Variants in NDUFAF6 observed in about 807,000 individuals in gnomAD.
NDUFAF6 encodes the protein NADH dehydrogenase (ubiquinone) complex I, assembly factor 6.
A neutral mutation model predicts 40.8 loss-of-function variants in NDUFAF6; 45 were observed. That is an observed-to-expected ratio of 1.10 (90% CI 0.87 to 1.42). The LOEUF is 1.42. Among genes scored for constraint, NDUFAF6 ranks in the 40% most tolerant of loss-of-function variants. NDUFAF6 has a pLI of 0.00. For synonymous variants in NDUFAF6, 185 were observed against 155.9 expected, an observed-to-expected ratio of 1.19 and a Z score of -1.39; for missense variants, 435 against 418.5, an observed-to-expected ratio of 1.04 and a Z score of -0.34.
rs1176398723 is a variant in NDUFAF6 at position 95,047,019 on chromosome 8, T to G, written c.606T>G (p.His202Gln). 2 of 1,614,078 alleles carry G rather than the reference T, an allele frequency of 1.2e-6. No individual in the cohort carries two copies. The highest frequency in any genetic ancestry group is 3.3e-5 in the Admixed American group (2 of 60,006). The change falls in exon 6 of 9, where the codon CAT (histidine) becomes CAG (glutamine). Residue 202 changes from histidine to glutamine, a missense_variant. Physicochemically the swap from His to Gln is conservative, Grantham distance 24. Transcript: ENST00000396124. ...ILGIKDLHAD[H>Q]AASHIGKAQG... ...GTATAAAGGATCTTCATGCAGATCA[T>G]GCTGCAAGTCATATTGGAAAAGCAC...
At chr8:94,930,547 G>A (rs1299383937) in intron 1 of NDUFAF6, 1 of 1,614,118 alleles carries the variant, frequency 6.2e-7, no homozygotes, top group Non-Finnish European at 8.5e-7. Context: ...TGCCGAGGGT[G>A]GCAATCCCTG....
intron 1 of NDUFAF6, among the ~76,000 whole-genome samples, chr8:94,968,453 C>T (rs949431242): frequency 5.9e-5 from 9 of 152,144 alleles, no homozygotes; most frequent in African/African-American, 1.9e-4. Context: ...ACCTGGCACA[C>T]GGGGCAGCAA....
exon 10 of NDUFAF6, chr8:95,075,744 C>T (rs575506588): frequency 3.1e-6 from 4 of 1,272,298 alleles, no homozygotes; most frequent in Non-Finnish European, 4.1e-6. Context: ...GGCATGCGCA[C>T]TTCTCCAGGT....
At chr8:94,990,929 C>T (rs1416721536) in intron 2 of NDUFAF6, among the ~76,000 whole-genome samples, 1 of 152,212 alleles carries the variant, frequency 6.6e-6, no homozygotes, top group African/African-American at 2.4e-5. Context: ...GGAGACCTGA[C>T]AGCAGTAACA....
chr8:95,094,713 C>G (rs1185847232), intron 2 of NDUFAF6, among the ~76,000 whole-genome samples: 1 of 150,362 alleles, frequency 6.7e-6, no homozygotes, highest in African/African-American at 2.4e-5. Flanking sequence ...CTGCGTCTGG[C>G]CTCTTTCTTT....
At chr8:94,959,286 G>A (rs1288297554) in intron 1 of NDUFAF6, among the ~76,000 whole-genome samples, 3 of 152,180 alleles carry the variant, frequency 2.0e-5, no homozygotes, top group Non-Finnish European at 4.4e-5. Context: ...CTCCCAGGAT[G>A]TAAAGGAGGA....
intron 1 of NDUFAF6, among the ~76,000 whole-genome samples, chr8:94,967,907 C>T (rs1824141676): frequency 6.7e-6 from 1 of 149,646 alleles, no homozygotes; most frequent in Admixed American, 6.7e-5. Context: ...CGCCATTGTA[C>T]ACTAGCCTTT....
At chr8:94,907,105 G>A (rs1042909999) in intron 1 of NDUFAF6, among the ~76,000 whole-genome samples, 18 of 152,178 alleles carry the variant, frequency 1.2e-4, no homozygotes, top group Admixed American at 8.5e-4. Flanking sequence ...CTTGCAGTGT[G>A]GCCAGCACAA....
At chr8:95,076,965 C>T (rs781506651), downstream of NDUFAF6, among the ~76,000 whole-genome samples, 3 of 151,828 alleles carry the variant, frequency 2.0e-5, no homozygotes, top group Non-Finnish European at 2.9e-5. Flanking sequence ...TATGTGGAGA[C>T]AGGGCCTTTA....
At chr8:95,034,966 G>C (rs1182487928) in intron 2 of NDUFAF6, among the ~76,000 whole-genome samples, 1 of 151,580 alleles carries the variant, frequency 6.6e-6, no homozygotes, top group Non-Finnish European at 1.5e-5. Flanking sequence ...TGCAACCTCT[G>C]CCTCTCAGGT....
rs763206621 is a variant in NDUFAF6, at chr8:95,057,821, G to C, written c.886G>C (p.Asp296His). ...PAFLQTVSLEDFLKKIQRVDF... is the reference protein window; with the variant it reads ...PAFLQTVSLEHFLKKIQRVDF... ...CTCTTTTTTCCAGGTTTCTCTAGAG[G>C]ACTTTCTAAAGAAAATTCAGCGAGT... is the stretch of plus-strand genomic sequence containing the variant. Residue 296 changes from aspartate to histidine, a missense_variant, in exon 9 of 9, where the codon GAC (aspartate) becomes CAC (histidine). Physicochemically the swap from Asp to His is moderately conservative, Grantham distance 81. Coordinates refer to ENST00000396124, the MANE Select transcript of NDUFAF6 (RefSeq NM_152416.4). 2.8e-5 allele frequency: 45 copies of C among 1,611,386 alleles called. No homozygotes were observed. The highest frequency in any genetic ancestry group is 3.7e-5 in the Non-Finnish European group (44 of 1,178,598).
chr8:95,114,018 AG>A (rs1456095706), intron 4 of NDUFAF6, among the ~76,000 whole-genome samples: 1 of 48,462 alleles, frequency 2.1e-5, no homozygotes, highest in Admixed American at 2.6e-4. Context: ...GGATGGGGGG[AG>A]GGGGGAGGGA....
rs536274787 is a variant in NDUFAF6 at position 95,017,853 on chromosome 8, AC to A, written c.-83-14141del. On this transcript the variant is annotated intron_variant, in intron 2 of 9. Coordinates refer to the NDUFAF6 transcript ENST00000396111. ...ACTTCTGCAATCATGTGCACTTGGAACAAGTCCCTAATTAAATGATGACATC... is the reference window on the plus strand; with the variant it reads ...ACTTCTGCAATCATGTGCACTTGGAAAAGTCCCTAATTAAATGATGACATC... Among the ~76,000 whole-genome samples the A allele has an allele frequency of 3.3e-5, 5 of 152,320 alleles. No homozygotes were observed. The South Asian group carries it at 1.0e-3, about 32-fold the overall frequency.
chr8:94,931,087 T>C (rs1284805288), intron 1 of NDUFAF6, among the ~76,000 whole-genome samples: 1 of 152,238 alleles, frequency 6.6e-6, no homozygotes, highest in Non-Finnish European at 1.5e-5. Flanking sequence ...CCAATTCTTT[T>C]GCAAATATAT....
intron 2 of NDUFAF6, among the ~76,000 whole-genome samples, chr8:95,006,138 A>C (rs1445622137): frequency 6.6e-6 from 1 of 152,040 alleles, no homozygotes; most frequent in African/African-American, 2.4e-5. Flanking sequence ...TGGGCAGATC[A>C]CTTGAGGTCA....
intron 8 of NDUFAF6, among the ~76,000 whole-genome samples, chr8:95,054,436 CTTTT>C (rs59359540): frequency 3.8e-5 from 5 of 132,164 alleles, no homozygotes; most frequent in Non-Finnish European, 3.3e-5. Flanking sequence ...TCAGCTTCTG[CTTTT>C]TTTTTTTTTT....
At position 94,921,211 on chromosome 8, in the gene NDUFAF6, A is replaced by G. The variant is rs115444565; in HGVS notation, c.-935-24272A>G. Among the ~76,000 whole-genome samples the G allele has an allele frequency of 7.4e-3, 1,134 of 152,354 alleles. 6 individuals are homozygous for G. The highest frequency in any genetic ancestry group is 0.026 in the African/African-American group (1,081 of 41,570). On this transcript the variant is annotated intron_variant, in intron 1 of 14. Coordinates refer to the NDUFAF6 transcript ENST00000396113. ...TCTGTCCTTCTTGCACATTGGCTGT[A>G]TCTCTGTCAACTTCCCCCACTTGTG...
In NDUFAF6 at chr8:95,045,616, C is replaced by T. The variant is rs1830656152; in HGVS notation, c.549C>T (p.Ser183=). 6.2e-7 allele frequency: 1 copy of T among 1,613,252 alleles called. No individual in the cohort carries two copies. Among genetic ancestry groups the T allele is most frequent in the East Asian group, 2.2e-5 (1 of 44,712 alleles). ...AAAATTATGCTGAAAACACACAGAG[C>T]TCTCTTCTTTACTTAACACTAGAAA... ...ELENYAENTQ[S]SLLYLTLEIL... Residue 183 remains serine, a synonymous_variant, in exon 5 of 9, where the codon AGC becomes AGT. Transcript: ENST00000396124.
At chr8:94,954,738 G>A (rs1482307532), upstream of NDUFAF6, among the ~76,000 whole-genome samples, 3 of 152,218 alleles carry the variant, frequency 2.0e-5, no homozygotes, top group East Asian at 1.9e-4. Flanking sequence ...GATTTGGCAT[G>A]ATCTGGTATC....
Sources: allele counts gnomAD v4.1 joint callset (sites outside exome capture counted in the v4.1 genomes callset), GRCh38; gene constraint gnomAD v4.1.1; transcripts MANE v1.5; gene names NCBI Gene and HGNC (gene_info 2026-07-23, HGNC 2026-07-21).